The following CLVS1 variants were observed in gnomAD, a reference collection of about 807,000 sequenced individuals.
The protein encoded by CLVS1 is clavesin 1.
A neutral mutation model predicts 33.1 loss-of-function variants in CLVS1; 10 were observed. The ratio of observed to expected loss-of-function variants is 0.30; its 90% CI spans 0.19 to 0.51. The LOEUF (loss-of-function observed/expected upper bound fraction) is 0.51, where lower values mean the gene tolerates loss of function less well. CLVS1 is among the 20% of genes least tolerant of loss of function. The pLI is 0.97. For missense variants in CLVS1, 343 were observed against 433.4 expected (o/e 0.79, Z 1.85); for synonymous variants, 163 against 166.1 (o/e 0.98, Z 0.14).
chr8:61,358,604 A>AAAAC (rs373323515), intron 2 of CLVS1, among the ~76,000 whole-genome samples: 59 of 152,318 alleles, frequency 3.9e-4, no homozygotes, highest in Non-Finnish European at 6.9e-4. Context: ...ACACTAAATT[A>AAAAC]AAACAAACAA....
the CLVS1 span, among the ~76,000 whole-genome samples, chr8:61,033,243 A>G: frequency 6.6e-6 from 1 of 152,222 alleles, no homozygotes; most frequent in Non-Finnish European, 1.5e-5. Flanking sequence ...ACAAAACCCC[A>G]AAAAACCAAT....
chr8:61,086,974 T>C (rs186648720), intron 1 of CLVS1, among the ~76,000 whole-genome samples: 5 of 152,302 alleles, frequency 3.3e-5, no homozygotes, highest in African/African-American at 9.6e-5. Context: ...ATAATGCCAT[T>C]GAGGAGAAGC....
intron 2 of CLVS1, among the ~76,000 whole-genome samples, chr8:61,254,697 G>A (rs891226951): frequency 7.9e-5 from 12 of 152,130 alleles, no homozygotes; most frequent in African/African-American, 1.7e-4. Flanking sequence ...GTGAGGTTCC[G>A]TGGGCATAGG....
chr8:61,295,643 A>G (rs1034831571), intron 1 of CLVS1, among the ~76,000 whole-genome samples: 2 of 152,180 alleles, frequency 1.3e-5, no homozygotes, highest in Non-Finnish European at 2.9e-5. Flanking sequence ...AATCATAAAT[A>G]ATAAAATCTC....
upstream of CLVS1, among the ~76,000 whole-genome samples, chr8:61,053,151 T>C (rs2129276425): frequency 6.6e-6 from 1 of 152,312 alleles, no homozygotes; most frequent in East Asian, 1.9e-4. Context: ...AATGTGTTCA[T>C]TTCAGACACC....
intron 5 of CLVS1, among the ~76,000 whole-genome samples, chr8:61,467,847 A>G (rs1454782386): frequency 6.6e-6 from 1 of 152,216 alleles, no homozygotes; most frequent in Non-Finnish European, 1.5e-5. Flanking sequence ...GGCTTTTGAA[A>G]GTTTAGATCT....
At chr8:61,337,768 C>T (rs1166297340) in intron 2 of CLVS1, among the ~76,000 whole-genome samples, 1 of 152,168 alleles carries the variant, frequency 6.6e-6, no homozygotes, top group African/African-American at 2.4e-5. Context: ...CAAGGTCAAA[C>T]AGCTAAGGGA....
chr8:61,031,023 C>T, the CLVS1 span, among the ~76,000 whole-genome samples: 40 of 152,322 alleles, frequency 2.6e-4, no homozygotes, highest in Non-Finnish European at 4.7e-4. Flanking sequence ...TTTATTGAAC[C>T]TCCAGAATAT....
intron 3 of CLVS1, among the ~76,000 whole-genome samples, chr8:61,438,373 G>A (rs888927750): frequency 6.6e-6 from 1 of 152,098 alleles, no homozygotes; most frequent in Admixed American, 6.5e-5. Flanking sequence ...ACTTTTTAGG[G>A]CTGCATAATA....
chr8:61,445,903 G>A (rs1816744776), intron 3 of CLVS1, among the ~76,000 whole-genome samples: 2 of 152,164 alleles, frequency 1.3e-5, no homozygotes, highest in Admixed American at 1.3e-4. Context: ...TATTTTATGA[G>A]AAATTGATCT....
chr8:61,341,706 T>C lies in CLVS1; in HGVS notation c.456-34899T>C, dbSNP rs1429100769. ...TTGTTTCAGACAAAAAAGATACATG[T>C]AGGAGACAGTCTCACAGTATTTTCT... On this transcript the variant is annotated intron_variant, in intron 2 of 5. Transcript: ENST00000325897. 2.6e-5 allele frequency among the ~76,000 whole-genome samples: 4 copies of C among 152,296 alleles called. No individual in the cohort carries two copies. The East Asian group carries it at 7.7e-4, about 29-fold the overall frequency.
At chr8:61,067,999 G>A (rs1413738735) in intron 1 of CLVS1, among the ~76,000 whole-genome samples, 1 of 128,610 alleles carries the variant, frequency 7.8e-6, no homozygotes, top group Non-Finnish European at 1.7e-5. Context: ...GAGAGAGAGA[G>A]AGAGAGAGAC....
chr8:61,236,389 C>T (rs940783317), intron 2 of CLVS1, among the ~76,000 whole-genome samples: 2 of 152,138 alleles, frequency 1.3e-5, no homozygotes, highest in African/African-American at 2.4e-5. Flanking sequence ...TGAAACCTAC[C>T]TGCTAGATGT....
chr8:60,990,003 T>C, the CLVS1 span, among the ~76,000 whole-genome samples: 1 of 151,648 alleles, frequency 6.6e-6, no homozygotes, highest in African/African-American at 2.4e-5. Context: ...CAGGCACCTG[T>C]AGTCCCAGCT....
chr8:61,371,483 C>T (rs991268770), intron 2 of CLVS1, among the ~76,000 whole-genome samples: 1 of 152,140 alleles, frequency 6.6e-6, no homozygotes, highest in Admixed American at 6.5e-5. Context: ...AAAATTAGTA[C>T]AGGAATATGC....
intron 3 of CLVS1, among the ~76,000 whole-genome samples, chr8:61,431,812 A>G (rs1477116479): frequency 6.6e-6 from 1 of 152,172 alleles, no homozygotes; most frequent in Non-Finnish European, 1.5e-5. Flanking sequence ...GCAATGGTAA[A>G]TTCAAACTAT....
intron 2 of CLVS1, among the ~76,000 whole-genome samples, chr8:61,311,335 C>A (rs1810824831): frequency 6.6e-6 from 1 of 152,222 alleles, no homozygotes; most frequent in Admixed American, 6.5e-5. Context: ...CTCTAACAAT[C>A]TCCTTGTCAG....
At chr8:61,302,537 G>A (rs1301500579) in intron 2 of CLVS1, among the ~76,000 whole-genome samples, 1 of 152,122 alleles carries the variant, frequency 6.6e-6, no homozygotes, top group Non-Finnish European at 1.5e-5. Context: ...CATATAGATG[G>A]CTCACTCCAA....
At chr8:61,015,012 C>T in the CLVS1 span, among the ~76,000 whole-genome samples, 1 of 152,202 alleles carries the variant, frequency 6.6e-6, no homozygotes. Flanking sequence ...CCACAATGAC[C>T]CAGAAGTGTT....
Sources: allele counts gnomAD v4.1 joint callset (sites outside exome capture counted in the v4.1 genomes callset), GRCh38; gene constraint gnomAD v4.1.1; transcripts MANE v1.5; gene names NCBI Gene and HGNC (gene_info 2026-07-23, HGNC 2026-07-21).